CPSF1: variants seen among roughly 807,000 people sequenced by gnomAD.
CPSF1 encodes the protein cleavage and polyadenylation specificity factor subunit 1.
CPSF1 carries 106 observed loss-of-function variants against 175.8 expected under a neutral mutation model. The ratio of observed to expected loss-of-function variants is 0.60; its 90% CI spans 0.52 to 0.71. The LOEUF is 0.71. CPSF1 is among the 30% of genes least tolerant of loss of function. The pLI, the probability that CPSF1 is intolerant of heterozygous loss-of-function variation, is 0.00. For synonymous variants in CPSF1, 1,024 were observed against 858.3 expected (o/e 1.19, Z -3.37); for missense variants, 1,734 against 2,022.9 (o/e 0.86, Z 2.74).
intron 2 of CPSF1, among the ~76,000 whole-genome samples, chr8:144,407,981 T>G (rs141774555): frequency 2.0e-5 from 3 of 152,278 alleles, no homozygotes; most frequent in African/African-American, 7.2e-5. Context: ...AATAGTGTGT[T>G]AGGAGCAGAA....
chr8:144,399,099 C>T lies in CPSF1; in HGVS notation c.1467+29G>A, dbSNP rs2116858796. 13 of 1,547,610 alleles carry T rather than the reference C, an allele frequency of 8.4e-6. No individual in the cohort carries two copies. The African/African-American group carries it at 1.1e-4, about 13-fold the overall frequency. ...ACCCCCCCTCACACTCCAGCCCCTG[C>T]CCCCAGCCCCGACCCCAACCCTGGG... is the stretch of plus-strand genomic sequence containing the variant. On this transcript the variant is annotated intron_variant, in intron 15 of 37. Coordinates refer to ENST00000616140, the MANE Select transcript of CPSF1 (RefSeq NM_013291.3). The surrounding 1 kb of genome is among the most constrained non-coding windows in gnomAD (Gnocchi z 6.4).
chr8:144,397,146 T>C (rs1464519986), intron 23 of CPSF1, 61 bp downstream of exon 23: 4 of 1,207,934 alleles, frequency 3.3e-6, no homozygotes, highest in South Asian at 3.1e-5. Context: ...GGCGGGGCTG[T>C]GGGGGAACGG....
intron 2 of CPSF1, among the ~76,000 whole-genome samples, 165 bp from the exon 3 acceptor site, chr8:144,401,838 C>T (rs1821225358): frequency 6.6e-6 from 1 of 152,256 alleles, no homozygotes; most frequent in East Asian, 1.9e-4. Flanking sequence ...GTGCACAGCC[C>T]CCCACAGCGA....
At position 144,397,802 on chromosome 8, in the gene CPSF1, G is replaced by C. The variant is rs1820866392; in HGVS notation, c.2151C>G (p.Ala717=). 1.2e-6 allele frequency: 2 copies of C among 1,611,014 alleles called. No homozygotes were observed. Among genetic ancestry groups the C allele is most frequent in the Non-Finnish European group, 8.5e-7 (1 of 1,179,266 alleles). The part of the protein sequence containing the change: ...MFTTESRLGG[A]RDELGGRSGP... ...CACTGCGGCCCCCGAGCTCGTCACG[G>C]GCCCCACCCAGGCGGCTCTCAGTGG... The change falls in exon 21 of 38, where the codon GCC becomes GCG. Residue 717 remains alanine, a synonymous_variant. Transcript: ENST00000616140.
intron 24 of CPSF1, 38 bp from the exon 25 acceptor site, chr8:144,396,779 G>A (rs1172328661): frequency 1.2e-6 from 2 of 1,612,754 alleles, no homozygotes; most frequent in East Asian, 4.5e-5. Flanking sequence ...GGGGCTGCCG[G>A]TCTGAAACCC....
In CPSF1 at chr8:144,398,002, G is replaced by A. The variant is rs553389900; in HGVS notation, c.2025C>T (p.Tyr675=). The A allele has an allele frequency of 1.6e-4, 257 of 1,611,652 alleles. 2 individuals are homozygous for A. In the South Asian group the frequency reaches 2.1e-3, roughly 13 times the overall value. The change falls in exon 20 of 38, where the codon TAC becomes TAT. Residue 675 remains tyrosine (Y), a synonymous_variant. Transcript: ENST00000616140. ...GCGCCAGGCGGTGGTGGCGGCCACC[G>A]TAGGAGTCACTCTTCAGCAGGAACA... ...VTMFLLKSDS[Y]GGRHHRLALH...
At position 144,394,179 on chromosome 8, in the gene CPSF1, G is replaced by A; in HGVS notation, c.3812-19C>T. The A allele has an allele frequency of 6.2e-7, 1 of 1,612,468 alleles. No homozygotes were observed. The highest frequency in any genetic ancestry group is 8.5e-7 in the Non-Finnish European group (1 of 1,179,860). ...TCAGACACTGGGGAGCAGAGGCCCA[G>A]GGTCAGCCCCGGCCACCCCCAGAGC... is the stretch of plus-strand genomic sequence containing the variant. On this transcript the variant is annotated intron_variant, in intron 33 of 37. Transcript: ENST00000616140.
In CPSF1 at chr8:144,394,286, C is replaced by T; in HGVS notation, c.3759G>A (p.Leu1253=). Residue 1253 remains leucine (L), a synonymous_variant, in exon 33 of 38, where the codon CTG becomes CTA. Coordinates refer to ENST00000616140, the MANE Select transcript of CPSF1 (RefSeq NM_013291.3). ...CCATGAAGTCCACGCTGTACACCTCCAGGGGCTTGGCATCCTGGGGGCGGG... is the reference window on the plus strand; with the variant it reads ...CCATGAAGTCCACGCTGTACACCTCTAGGGGCTTGGCATCCTGGGGGCGGG... ...LSLVSRDAKP[L]EVYSVDFMVD... is the part of the protein sequence containing the mutation. 1 of 1,595,486 alleles carries T rather than the reference C, an allele frequency of 6.3e-7. No individual in the cohort carries two copies. The highest frequency in any genetic ancestry group is 8.6e-7 in the Non-Finnish European group (1 of 1,169,214).
chr8:144,402,773 A>C (rs1469756038), intron 2 of CPSF1, among the ~76,000 whole-genome samples: 3 of 152,180 alleles, frequency 2.0e-5, no homozygotes, highest in Admixed American at 6.5e-5. Flanking sequence ...TTAAAAAAAA[A>C]ACACACACCC....
intron 2 of CPSF1, among the ~76,000 whole-genome samples, chr8:144,405,799 C>A (rs1051260834): frequency 6.6e-5 from 10 of 152,142 alleles, no homozygotes; most frequent in South Asian, 4.1e-4. Context: ...GCTCTGAGTT[C>A]CTGCAAGAAG....
rs782731679 is a variant in CPSF1 at position 144,393,726 on chromosome 8, C to T, written c.4086G>A (p.Leu1362=). The T allele has an allele frequency of 1.1e-5, 17 of 1,572,704 alleles. No homozygotes were observed. The African/African-American group carries it at 1.9e-4, about 17-fold the overall frequency. The change falls in exon 36 of 38, where the codon CTG becomes CTA. Residue 1362 remains leucine, a synonymous_variant. Coordinates refer to ENST00000616140, the MANE Select transcript of CPSF1 (RefSeq NM_013291.3). The part of the protein sequence containing the change: ...QEKTYRRLLM[L]QNALTTMLPH... The stretch of plus-strand genomic sequence containing the variant: ...GCAGCATGGTGGTCAGCGCGTTCTG[C>T]AGCATCAGCAGCCGCCGGTAGGTCT...
rs2130768863 is a variant in CPSF1, at chr8:144,397,865, A to G, written c.2088T>C (p.Ile696=). 1 of 1,608,924 alleles carries G rather than the reference A, an allele frequency of 6.2e-7. No homozygotes were observed. Among genetic ancestry groups the G allele is most frequent in the Non-Finnish European group, 8.5e-7 (1 of 1,177,898 alleles). The part of the protein sequence containing the change: ...KPPLHHQSKV[I]TLCLYRDLSG... ...TGAGGTCTCGGTACAGGCACAGCGT[A>G]ATCACCTTGGACTGCTGCGGGGAGA... The change falls in exon 21 of 38, where the codon ATT becomes ATC. Residue 696 remains isoleucine, a synonymous_variant. Coordinates refer to ENST00000616140, the MANE Select transcript of CPSF1 (RefSeq NM_013291.3).
In CPSF1 at chr8:144,395,348, G is replaced by A. The variant is rs1554863351; in HGVS notation, c.3104C>T (p.Ala1035Val). Residue 1035 changes from alanine to valine, a missense_variant, in exon 28 of 38, where the codon GCT becomes GTT. Coordinates refer to ENST00000616140, the MANE Select transcript of CPSF1 (RefSeq NM_013291.3). The part of the protein sequence containing the change: ...VAYHVESKVY[A>V]VATSTNTPCA... ...CGGCGTGTTGGTGCTGGTGGCCACA[G>A]CATACACCTGTGGGTTAGTGAGGGT... The A allele has an allele frequency of 1.2e-6, 2 of 1,613,448 alleles. No individual in the cohort carries two copies. The highest frequency in any genetic ancestry group is 2.2e-5 in the East Asian group (1 of 44,880).
At chr8:144,404,649 C>T (rs148744984) in intron 2 of CPSF1, among the ~76,000 whole-genome samples, 2,480 of 150,728 alleles carry the variant, frequency 0.016, 32 homozygotes, top group Non-Finnish European at 0.023. Context: ...GGATTACAGG[C>T]GTGAGCCACT....
intron 2 of CPSF1, among the ~76,000 whole-genome samples, chr8:144,407,895 C>T (rs1376253881): frequency 1.3e-5 from 2 of 152,066 alleles, no homozygotes; most frequent in Admixed American, 1.3e-4. Flanking sequence ...GTGGGTGTCT[C>T]ATTGTGAGGG....
intron 2 of CPSF1, among the ~76,000 whole-genome samples, chr8:144,408,575 T>C (rs2116911179): frequency 1.3e-4 from 20 of 152,202 alleles, no homozygotes; most frequent in African/African-American, 4.8e-4. Context: ...GCTCTTCTGA[T>C]CATGCGACTG....
At chr8:144,401,908 C>G (rs1821230318) in intron 2 of CPSF1, among the ~76,000 whole-genome samples, 1 of 152,182 alleles carries the variant, frequency 6.6e-6, no homozygotes, top group South Asian at 2.1e-4. Context: ...CCCCAGGAAG[C>G]CCCTACCTCA....
Position 144,399,875 on chromosome 8 carries a change from G to C in CPSF1, c.1032-7C>G, listed in dbSNP as rs2116867361. The C allele has an allele frequency of 9.0e-6, 14 of 1,555,222 alleles. No individual in the cohort carries two copies. Among genetic ancestry groups the C allele is most frequent in the Non-Finnish European group, 1.1e-5 (13 of 1,149,786 alleles). On this transcript the variant is annotated splice_polypyrimidine_tract_variant and splice_region_variant and intron_variant, in intron 10 of 37. Coordinates refer to ENST00000616140, the MANE Select transcript of CPSF1 (RefSeq NM_013291.3). This position sits in a 1 kb window ranked among gnomAD's most constrained non-coding sequence, Gnocchi z 6.4. ...GATGAGGGTCAGCACGTAGCTGGGG[G>C]CAGGGAGAATTCTGAGTCGGGGATG...
chr8:144,394,553 A>G lies in CPSF1; in HGVS notation c.3570T>C (p.Ile1190=). ...GHLVSAIGQK[I]FLWSLRASEL... is the part of the protein sequence containing the mutation. ...CGCTGGCCCGCAGGCTCCACAGGAA[A>G]ATCTGGGGGCGAGGGCGAGGGTGAG... Residue 1190 remains isoleucine (I), a splice_region_variant and synonymous_variant, in exon 32 of 38, where the codon ATT becomes ATC. Transcript: ENST00000616140. 6.2e-7 allele frequency: 1 copy of G among 1,609,050 alleles called. No homozygotes were observed. Among genetic ancestry groups the G allele is most frequent in the Non-Finnish European group, 8.5e-7 (1 of 1,178,116 alleles).
Sources: allele counts gnomAD v4.1 joint callset (sites outside exome capture counted in the v4.1 genomes callset), GRCh38; gene constraint gnomAD v4.1.1; non-coding constraint Gnocchi (gnomAD v3.1); transcripts MANE v1.5; gene names NCBI Gene and HGNC (gene_info 2026-07-23, HGNC 2026-07-21).